Variants in SLFN12L observed in about 807,000 individuals in gnomAD.
The protein encoded by SLFN12L is schlafen family member 12-like.
A neutral mutation model predicts 34.8 loss-of-function variants in SLFN12L; 34 were observed. The ratio of observed to expected loss-of-function variants is 0.98; its 90% CI spans 0.74 to 1.30. The LOEUF (loss-of-function observed/expected upper bound fraction) is 1.30. SLFN12L is among the 50% of genes most tolerant of loss of function. The pLI is 0.00. For missense variants in SLFN12L, 703 were observed against 696.2 expected (o/e 1.01, Z -0.11); for synonymous variants, 259 against 247.5 (o/e 1.05, Z -0.44).
intron 2 of SLFN12L, chr17:35,491,368 C>A: frequency 2.5e-6 from 1 of 406,730 alleles, no homozygotes; most frequent in Non-Finnish European, 4.4e-6. Context: ...AAACTACAAA[C>A]TTCAGAAGAA....
chr17:35,515,089 A>G (rs1915769619), intron 2 of SLFN12L: 2 of 628,682 alleles, frequency 3.2e-6, no homozygotes, highest in African/African-American at 3.7e-5. Flanking sequence ...CTATTCTTTA[A>G]GTTGGGGTCA....
chr17:35,509,543 G>T (rs1244795729), intron 2 of SLFN12L, among the ~76,000 whole-genome samples: 1 of 152,150 alleles, frequency 6.6e-6, no homozygotes, highest in Non-Finnish European at 1.5e-5. Context: ...CTGACAATGA[G>T]CATTTGGGGG....
chr17:35,468,425 G>T lies in SLFN12L; in HGVS notation c.*6498C>A, dbSNP rs1471952601. ...TGCTGGAGATTATGCTGCCTCAGAT[G>T]ACATCGATCCAGCTTACCGTCAGAG... On this transcript the variant is annotated 3_prime_UTR_variant, in exon 5 of 5. Coordinates refer to ENST00000628453, the MANE Select transcript of SLFN12L (RefSeq NM_001363830.2). 6.6e-5 allele frequency among the ~76,000 whole-genome samples: 10 copies of T among 152,146 alleles called. No individual in the cohort carries two copies. The highest frequency in any genetic ancestry group is 1.5e-4 in the Non-Finnish European group (10 of 68,022).
At chr17:35,528,968 A>G (rs1275540205) in intron 1 of SLFN12L, among the ~76,000 whole-genome samples, 2 of 152,236 alleles carry the variant, frequency 1.3e-5, no homozygotes, top group Non-Finnish European at 2.9e-5. Context: ...AATATCCAGA[A>G]TCTACAAGGA....
intron 2 of SLFN12L, among the ~76,000 whole-genome samples, chr17:35,518,743 G>T (rs1288772790): frequency 6.6e-6 from 1 of 152,188 alleles, no homozygotes; most frequent in East Asian, 1.9e-4. Flanking sequence ...CTTTTACATT[G>T]TTGGTGGGAG....
intron 2 of SLFN12L, chr17:35,490,271 A>C: frequency 6.6e-7 from 1 of 1,514,724 alleles, no homozygotes; most frequent in Non-Finnish European, 9.2e-7. Flanking sequence ...GGATGGTTCA[A>C]AAACCCCCAA....
chr17:35,492,970 C>A (rs55799409), intron 2 of SLFN12L, among the ~76,000 whole-genome samples: 278 of 16,702 alleles, frequency 0.017, 1 homozygote, highest in African/African-American at 0.14. Context: ...AAAAAAAAAA[C>A]ACACACACAC....
chr17:35,503,817 GA>G (rs927399419), intron 2 of SLFN12L, among the ~76,000 whole-genome samples: 2 of 151,814 alleles, frequency 1.3e-5, no homozygotes, highest in Non-Finnish European at 2.9e-5. Context: ...AGGGTGGAAA[GA>G]AAAAAACTCG....
At chr17:35,530,444 GAAAGAAA>G (rs1482841482) in intron 1 of SLFN12L, among the ~76,000 whole-genome samples, 43 of 16,272 alleles carry the variant, frequency 2.6e-3, no homozygotes, top group Admixed American at 5.3e-3. Context: ...GGGAAGGGAA[GAAAGAAA>G]GAAAGAAAGA....
intron 1 of SLFN12L, among the ~76,000 whole-genome samples, chr17:35,536,008 G>A (rs1170965630): frequency 1.3e-5 from 2 of 150,508 alleles, no homozygotes. Context: ...TTGTAGAGAT[G>A]GGGTCTTGCT....
Position 35,465,790 on chromosome 17 carries a change from C to G in SLFN12L, c.*9133G>C, listed in dbSNP as rs533568100. Among the ~76,000 whole-genome samples, 4 of 149,328 alleles carry G rather than the reference C, an allele frequency of 2.7e-5. No homozygotes were observed. In the South Asian group the frequency reaches 8.7e-4, roughly 33 times the overall value. On this transcript the variant is annotated 3_prime_UTR_variant, in exon 5 of 5. Transcript: ENST00000628453. Reference sequence around the variant, plus strand: ...GTATGATTAACATTATTAACTCTATCCAATCAATAACTGCTAAATACTCTG... The same window carrying G: ...GTATGATTAACATTATTAACTCTATGCAATCAATAACTGCTAAATACTCTG...
rs995018384 is a variant in SLFN12L at position 35,522,470 on chromosome 17, G to A, written c.-106C>T. On this transcript the variant is annotated 5_prime_UTR_variant, in exon 2 of 5. Transcript: ENST00000628453. ...AGAATATCTCATACTGCTGGGCTGT[G>A]AGCAGATTTAAAACCTCATAGCTGC... 4.3e-6 allele frequency: 7 copies of A among 1,613,582 alleles called. No individual in the cohort carries two copies. The Admixed American group carries it at 5.0e-5, about 12-fold the overall frequency.
intron 2 of SLFN12L, among the ~76,000 whole-genome samples, chr17:35,504,568 G>A (rs1915405730): frequency 6.6e-6 from 1 of 152,170 alleles, no homozygotes; most frequent in Non-Finnish European, 1.5e-5. Context: ...TTTCCACTGG[G>A]GTGGTCCTCC....
Position 35,522,934 on chromosome 17 carries a change from G to C in SLFN12L, c.-570C>G, listed in dbSNP as rs1916042332. 1 of 596,654 alleles carries C rather than the reference G, an allele frequency of 1.7e-6. No homozygotes were observed. Among genetic ancestry groups the C allele is most frequent in the Admixed American group, 3.0e-5 (1 of 32,920 alleles). The allele number at this position is 596,654 out of a possible 1,614,324, so 37.0% of individuals were successfully genotyped here. On this transcript the variant is annotated 5_prime_UTR_variant, in exon 2 of 5. Transcript: ENST00000628453. ...TTCTGTGAGGACAGCTCCTTCCAGA[G>C]GGATTCCAGAGTACATCGCAAATAT... is the stretch of plus-strand genomic sequence containing the variant.
intron 1 of SLFN12L, among the ~76,000 whole-genome samples, chr17:35,535,705 G>A (rs1041475502): frequency 5.3e-5 from 8 of 151,926 alleles, no homozygotes; most frequent in South Asian, 2.1e-4. Flanking sequence ...GCCAAGGCTC[G>A]AAGGCAGTGG....
rs1234970345 is a variant in SLFN12L, at chr17:35,467,926, C to T, written c.*6997G>A. On this transcript the variant is annotated 3_prime_UTR_variant, in exon 5 of 5. Transcript: ENST00000628453. ...GTTTGTTTTTGCTTTTTGTTTTGGT[C>T]TGAGACAAGGTCTCACTCTGTTACC... Among the ~76,000 whole-genome samples the T allele has an allele frequency of 6.6e-6, 1 of 152,086 alleles. No homozygotes were observed. The highest frequency in any genetic ancestry group is 1.5e-5 in the Non-Finnish European group (1 of 68,006).
intron 2 of SLFN12L, among the ~76,000 whole-genome samples, chr17:35,493,538 C>G (rs1302014385): frequency 6.6e-6 from 1 of 152,156 alleles, no homozygotes; most frequent in Admixed American, 6.5e-5. Flanking sequence ...ACTAATAAGT[C>G]TTAAAAGTTC....
Position 35,475,243 on chromosome 17 carries a change from C to A in SLFN12L, c.1519G>T (p.Glu507Ter). Residue 507 changes from glutamate to a stop codon, truncating the protein, a stop_gained, in exon 5 of 5, where the codon GAG (glutamate) becomes TAG (stop). Transcript: ENST00000628453. LOFTEE classifies it low-confidence loss of function (END_TRUNC). ...VLYTFHMVQD[E>*]EFKDYSTQTA... ...TGTGTAGAATAGTCTTTAAACTCCTCATCCTGTACCATGTGGAAGGTGTAT... is the reference window on the plus strand; with the variant it reads ...TGTGTAGAATAGTCTTTAAACTCCTAATCCTGTACCATGTGGAAGGTGTAT... 1 of 1,614,166 alleles carries A rather than the reference C, an allele frequency of 6.2e-7. No individual in the cohort carries two copies. The highest frequency in any genetic ancestry group is 1.1e-5 in the South Asian group (1 of 91,086).
At chr17:35,498,064 AGAGCG>A (rs1252921976) in intron 2 of SLFN12L, among the ~76,000 whole-genome samples, 1 of 152,182 alleles carries the variant, frequency 6.6e-6, no homozygotes, top group Non-Finnish European at 1.5e-5. Flanking sequence ...GCGGCCGCCC[AGAGCG>A]GCGGCGAGGG....
Sources: gnomAD v4.1 joint callset for allele counts (sites outside exome capture counted in the v4.1 genomes callset) on GRCh38, gnomAD v4.1.1 for gene constraint, MANE v1.5 for transcripts, NCBI Gene and HGNC (gene_info 2026-07-23, HGNC 2026-07-21) for gene names.